Variants in KIF21A observed in about 807,000 individuals in gnomAD.
KIF21A encodes the protein kinesin-like protein KIF21A.
A neutral mutation model predicts 202.9 loss-of-function variants in KIF21A; 114 were observed. The ratio of observed to expected loss-of-function variants is 0.56; its 90% CI spans 0.48 to 0.66. KIF21A has a LOEUF of 0.66. Ranked by LOEUF, KIF21A falls within the 30% of genes least tolerant of loss-of-function variation. The pLI is 0.00. For synonymous variants in KIF21A, 667 were observed against 670.8 expected (o/e 0.99, Z 0.09); for missense variants, 1,677 against 1,994.9 (o/e 0.84, Z 3.04).
At chr12:39,326,395 G>A (rs1324686539) in intron 24 of KIF21A, 71 bp from the exon 25 acceptor site, 1 of 1,031,990 alleles carries the variant, frequency 9.7e-7, no homozygotes, top group Admixed American at 1.8e-5. Flanking sequence ...CAATCCATAG[G>A]CTGTAATAAA....
In KIF21A at chr12:39,348,798, A is replaced by C. The variant is rs547896583; in HGVS notation, c.1674-2294T>G. Among the ~76,000 whole-genome samples the C allele has an allele frequency of 1.1e-3, 173 of 151,966 alleles. 1 individual carries two copies. Among genetic ancestry groups the C allele is most frequent in the African/African-American group, 4.1e-3 (170 of 41,512 alleles). ...ACAACAAGATAAAAAAAAAAACCAAACAAACAAACAGAAAAAAAACCTTTT... is the reference window on the plus strand; with the variant it reads ...ACAACAAGATAAAAAAAAAAACCAACCAAACAAACAGAAAAAAAACCTTTT... On this transcript the variant is annotated intron_variant, in intron 11 of 37. Transcript: ENST00000361418.
rs1202432059 is a variant in KIF21A, at chr12:39,340,291, C to T, written c.2184G>A (p.Met728Ile). The change falls in exon 16 of 38, where the codon ATG becomes ATA. Residue 728 changes from methionine (M) to isoleucine (I), a missense_variant. By Grantham distance (10) the Met-to-Ile change is conservative. Around this residue, in one of 3 missense-constraint regions of KIF21A, gnomAD observed 966 missense variants for 1,180.9 expected, o/e 0.82. Coordinates refer to ENST00000361418, the MANE Select transcript of KIF21A (RefSeq NM_001173464.2). ...CTTGAAGTCTCTGCAGTTCTTTGTT[C>T]ATGGCTTGGAGTTTCTTTTCATATT... ...RSEYEKKLQA[M>I]NKELQRLQAA... 1.3e-5 allele frequency: 21 copies of T among 1,612,760 alleles called. No individual in the cohort carries two copies. Among genetic ancestry groups the T allele is most frequent in the Non-Finnish European group, 1.8e-5 (21 of 1,179,472 alleles).
rs1218114080 is a variant in KIF21A at position 39,408,827 on chromosome 12, T to C, written c.44+34100A>G. 3.4e-5 allele frequency among the ~76,000 whole-genome samples: 5 copies of C among 145,624 alleles called. No individual in the cohort carries two copies. In the East Asian group the frequency reaches 1.0e-3, roughly 29 times the overall value. On this transcript the variant is annotated intron_variant, in intron 1 of 37. Transcript: ENST00000361418. ...GGGGGCTTTTGTTGGTTTTTTTTTG[T>C]TTTTTTTTTGGAGACAGGGTCCCAC... is the stretch of plus-strand genomic sequence containing the variant.
chr12:39,385,518 T>G (rs960932982), intron 1 of KIF21A, among the ~76,000 whole-genome samples: 10 of 152,302 alleles, frequency 6.6e-5, no homozygotes, highest in African/African-American at 2.4e-4. Flanking sequence ...CAAGTTTATA[T>G]GTGGTAAAAT....
Position 39,340,336 on chromosome 12 carries a change from T to C in KIF21A, c.2139A>G (p.Lys713=). Residue 713 remains lysine, a synonymous_variant, in exon 16 of 38, where the codon AAA becomes AAG. Coordinates refer to ENST00000361418, the MANE Select transcript of KIF21A (RefSeq NM_001173464.2). ...LGSVESYSEE[K]AKKVRSEYEK... ...CATATTCAGACCTAACTTTTTTTGC[T>C]TTTTCTTCTGAGTAAGATTCTACCG... 2 of 1,609,712 alleles carry C rather than the reference T, an allele frequency of 1.2e-6. No individual in the cohort carries two copies. Among genetic ancestry groups the C allele is most frequent in the South Asian group, 1.1e-5 (1 of 90,610 alleles).
At chr12:39,318,837 C>T (rs903664564) in intron 28 of KIF21A, among the ~76,000 whole-genome samples, 8 of 152,178 alleles carry the variant, frequency 5.3e-5, no homozygotes, top group African/African-American at 1.9e-4. Flanking sequence ...AAAAATTAGC[C>T]GGGCGTGGTG....
intron 33 of KIF21A, among the ~76,000 whole-genome samples, chr12:39,309,351 G>T (rs746914402): frequency 3.9e-5 from 6 of 151,948 alleles, no homozygotes; most frequent in African/African-American, 7.3e-5. Context: ...CTTAGTCACC[G>T]ATCAAATATG....
chr12:39,436,446 A>ATTTT (rs1241815887), intron 1 of KIF21A, among the ~76,000 whole-genome samples: 2 of 104,314 alleles, frequency 1.9e-5, no homozygotes, highest in Non-Finnish European at 3.7e-5. Flanking sequence ...ATATATATAT[A>ATTTT]TATTTTTTTT....
intron 1 of KIF21A, among the ~76,000 whole-genome samples, chr12:39,426,133 C>T (rs563423094): frequency 3.3e-5 from 5 of 151,530 alleles, no homozygotes; most frequent in African/African-American, 9.7e-5. Flanking sequence ...TGGAAACATA[C>T]GAAAAAAAAT....
Position 39,442,948 on chromosome 12 carries a change from C to G in KIF21A, c.23G>C (p.Ser8Thr). The change falls in exon 1 of 38, where the codon AGC becomes ACC. Residue 8 changes from serine to threonine, a missense_variant. This residue lies in a region of KIF21A where 966 missense variants were observed against 1,180.9 expected (regional missense o/e 0.82). Coordinates refer to ENST00000361418, the MANE Select transcript of KIF21A (RefSeq NM_001173464.2). The surrounding 1 kb of genome is among the most constrained non-coding windows in gnomAD (Gnocchi z 5.0). ...TCACCTGACAGCCACCCGCACGGAG[C>G]TCTCGTCCGGGGCGCCCAACATGCT... MLGAPDE[S>T]SVRVAVRIRP... is the part of the protein sequence containing the mutation. 1 of 1,523,922 alleles carries G rather than the reference C, an allele frequency of 6.6e-7. No individual in the cohort carries two copies. The highest frequency in any genetic ancestry group is 8.8e-7 in the Non-Finnish European group (1 of 1,142,702). The allele number at this position is 1,523,922 out of a possible 1,614,324, so 94.4% of individuals were successfully genotyped here.
At position 39,379,128 on chromosome 12, in the gene KIF21A, G is replaced by A. The variant is rs117968614; in HGVS notation, c.45-8867C>T. 6.1e-3 allele frequency among the ~76,000 whole-genome samples: 921 copies of A among 152,006 alleles called. 3 individuals carry two copies. Among genetic ancestry groups the A allele is most frequent in the South Asian group, 0.012 (57 of 4,808 alleles). On this transcript the variant is annotated intron_variant, in intron 1 of 37. Coordinates refer to ENST00000361418, the MANE Select transcript of KIF21A (RefSeq NM_001173464.2). Reference sequence around the variant, plus strand: ...AGGCGGATCACAAGGCCATGAGTTCGAGACCACCCTGGCCAATATGGTGAA... The same window carrying A: ...AGGCGGATCACAAGGCCATGAGTTCAAGACCACCCTGGCCAATATGGTGAA...
At chr12:39,430,345 C>T (rs1937691675) in intron 1 of KIF21A, among the ~76,000 whole-genome samples, 1 of 151,968 alleles carries the variant, frequency 6.6e-6, no homozygotes, top group Non-Finnish European at 1.5e-5. Context: ...GTGGGCGGAT[C>T]ACCTGAGGTC....
intron 29 of KIF21A, among the ~76,000 whole-genome samples, chr12:39,316,923 A>G (rs1213932229): frequency 6.6e-6 from 1 of 152,214 alleles, no homozygotes; most frequent in Non-Finnish European, 1.5e-5. Flanking sequence ...CAAAAGATTG[A>G]CAGAAAATAT....
intron 12 of KIF21A, among the ~76,000 whole-genome samples, chr12:39,345,665 G>C (rs1052760961): frequency 2.6e-5 from 4 of 151,714 alleles, no homozygotes; most frequent in African/African-American, 4.8e-5. Flanking sequence ...ATATTACCTT[G>C]AAACTAGTAT....
At chr12:39,366,018 GATAAAA>G (rs1303072303) in intron 6 of KIF21A, among the ~76,000 whole-genome samples, 2 of 151,932 alleles carry the variant, frequency 1.3e-5, no homozygotes, top group Non-Finnish European at 2.9e-5. Context: ...AAAAATAAAA[GATAAAA>G]ATAAATAAAT....
chr12:39,416,831 A>C, intron 1 of KIF21A, among the ~76,000 whole-genome samples: 1 of 142,986 alleles, frequency 7.0e-6, no homozygotes, highest in African/African-American at 2.5e-5. Flanking sequence ...ATGTACATAT[A>C]TGTGTATATA....
rs549225776 is a variant in KIF21A at position 39,305,174 on chromosome 12, T to C, written c.4443-236A>G. Among the ~76,000 whole-genome samples the C allele has an allele frequency of 5.9e-4, 90 of 151,962 alleles. No individual in the cohort carries two copies. In the East Asian group the frequency reaches 9.9e-3, roughly 17 times the overall value. On this transcript the variant is annotated intron_variant, in intron 34 of 37. Coordinates refer to ENST00000361418, the MANE Select transcript of KIF21A (RefSeq NM_001173464.2). ...TGAGGCCAGGAGTTTGAGACCAGCC[T>C]GGCCAACATGGTGAAACCCCGTCTC...
intron 1 of KIF21A, among the ~76,000 whole-genome samples, chr12:39,394,164 A>G (rs1443036698): frequency 6.6e-6 from 1 of 152,226 alleles, no homozygotes; most frequent in Non-Finnish European, 1.5e-5. Context: ...GCAGCCAGGC[A>G]GCGCTTTTTC....
intron 1 of KIF21A, among the ~76,000 whole-genome samples, chr12:39,435,802 G>A (rs1256441080): frequency 6.6e-6 from 1 of 152,010 alleles, no homozygotes; most frequent in Non-Finnish European, 1.5e-5. Context: ...TCTCAGGCCT[G>A]GAATTCACTA....
Sources: allele counts gnomAD v4.1 joint callset (sites outside exome capture counted in the v4.1 genomes callset), GRCh38; gene constraint gnomAD v4.1.1; regional missense constraint gnomAD v4.1.1; non-coding constraint Gnocchi (gnomAD v3.1); transcripts MANE v1.5; gene names NCBI Gene and HGNC (gene_info 2026-07-23, HGNC 2026-07-21).